RHPN2: variants seen among roughly 807,000 people sequenced by gnomAD.
The protein encoded by RHPN2 is rhophilin Rho GTPase binding protein 2.
A neutral mutation model predicts 79.0 loss-of-function variants in RHPN2; 40 were observed. That is an observed-to-expected ratio of 0.51 (90% confidence interval 0.39 to 0.66). RHPN2 has a LOEUF of 0.66. Among genes scored for constraint, RHPN2 ranks in the 30% least tolerant of loss-of-function variants. The pLI, the probability that RHPN2 is intolerant of heterozygous loss-of-function variation, is 0.00. For missense variants in RHPN2, 686 were observed against 883.5 expected (o/e 0.78, Z 2.83); for synonymous variants, 285 against 363.5 (o/e 0.78, Z 2.46).
chr19:33,026,081 T>C (rs1170256875), intron 3 of RHPN2, among the ~76,000 whole-genome samples: 1 of 136,430 alleles, frequency 7.3e-6, no homozygotes, highest in Non-Finnish European at 1.6e-5. Context: ...AACGTCCAAC[T>C]CCCGGGTTCA....
chr19:33,048,736 A>AAAAAAAAAAC (rs1972163322), intron 1 of RHPN2, among the ~76,000 whole-genome samples: 1 of 151,180 alleles, frequency 6.6e-6, no homozygotes, highest in Non-Finnish European at 1.5e-5. Context: ...AAAAAAAAAA[A>AAAAAAAAAAC]AAAAAAAAAC....
chr19:32,985,614 C>A (rs1421208998), intron 14 of RHPN2, among the ~76,000 whole-genome samples: 1 of 152,172 alleles, frequency 6.6e-6, no homozygotes, highest in African/African-American at 2.4e-5. Flanking sequence ...GAGAGCGAGA[C>A]CCTGTCTCAA....
intron 1 of RHPN2, among the ~76,000 whole-genome samples, chr19:33,050,272 A>C (rs535399926): frequency 1.3e-5 from 2 of 152,120 alleles, no homozygotes; most frequent in Non-Finnish European, 2.9e-5. Context: ...TGAGCTGAGA[A>C]ACAGATTTGG....
intron 2 of RHPN2, 59 bp from the exon 3 acceptor site, chr19:33,026,691 A>G: frequency 6.3e-7 from 1 of 1,574,848 alleles, no homozygotes; most frequent in East Asian, 2.3e-5. Flanking sequence ...CTTCTAGGTG[A>G]GCAGACCCAA....
chr19:33,046,580 T>G (rs1181556321), intron 1 of RHPN2, among the ~76,000 whole-genome samples: 1 of 152,134 alleles, frequency 6.6e-6, no homozygotes, highest in Non-Finnish European at 1.5e-5. Flanking sequence ...ATCATATGAT[T>G]TATTCTATGT....
intron 4 of RHPN2, among the ~76,000 whole-genome samples, chr19:33,013,691 C>T (rs1971855524): frequency 6.6e-6 from 1 of 152,118 alleles, no homozygotes; most frequent in South Asian, 2.1e-4. Context: ...ATACTGCAAA[C>T]ACTGCAGCTA....
chr19:33,038,052 A>T (rs955875472), intron 2 of RHPN2, among the ~76,000 whole-genome samples: 16 of 152,092 alleles, frequency 1.1e-4, no homozygotes, highest in African/African-American at 1.4e-4. Flanking sequence ...AAAAATTTTT[A>T]AAATTAGCCG....
At chr19:33,059,009 C>T (rs1256783560) in intron 1 of RHPN2, among the ~76,000 whole-genome samples, 1 of 151,950 alleles carries the variant, frequency 6.6e-6, no homozygotes, top group Non-Finnish European at 1.5e-5. Flanking sequence ...GCATGAGAAT[C>T]GCTTGAACCC....
chr19:33,034,026 T>TTTTAG (rs1972034048), intron 2 of RHPN2, among the ~76,000 whole-genome samples: 1 of 138,160 alleles, frequency 7.2e-6, no homozygotes, highest in East Asian at 2.0e-4. Context: ...TGGCAAAACA[T>TTTTAG]TTTTTTTTTT....
chr19:32,999,496 C>T (rs1971731071), intron 10 of RHPN2, 90 bp downstream of exon 10: 17 of 1,519,958 alleles, frequency 1.1e-5, no homozygotes, highest in Non-Finnish European at 1.5e-5. Flanking sequence ...CTCTCCCGGG[C>T]CCTCTTCAGG....
intron 14 of RHPN2, among the ~76,000 whole-genome samples, chr19:32,985,281 T>C (rs1330733546): frequency 1.3e-5 from 2 of 151,122 alleles, no homozygotes; most frequent in African/African-American, 4.9e-5. Context: ...ACTATTGCAC[T>C]CCAGCCTGGG....
intron 2 of RHPN2, among the ~76,000 whole-genome samples, chr19:33,037,900 A>G (rs1169546538): frequency 6.6e-6 from 1 of 151,976 alleles, no homozygotes; most frequent in Non-Finnish European, 1.5e-5. Context: ...ACAGAGTGAG[A>G]CCTCCTCTCA....
intron 1 of RHPN2, among the ~76,000 whole-genome samples, chr19:33,064,226 C>T (rs1271149969): frequency 6.6e-6 from 1 of 151,958 alleles, no homozygotes; most frequent in Non-Finnish European, 1.5e-5. Context: ...CCCAGTTACT[C>T]GGGAGGCTGG....
intron 14 of RHPN2, among the ~76,000 whole-genome samples, chr19:32,981,587 T>C (rs528220416): frequency 6.6e-6 from 1 of 152,044 alleles, no homozygotes; most frequent in Non-Finnish European, 1.5e-5. Flanking sequence ...ATGTTATACT[T>C]CTAGAGATGA....
At chr19:32,995,429 A>T (rs540979679) in intron 11 of RHPN2, among the ~76,000 whole-genome samples, 1 of 152,194 alleles carries the variant, frequency 6.6e-6, no homozygotes, top group African/African-American at 2.4e-5. Flanking sequence ...AGGTTTGGCA[A>T]ATCATGACCA....
Position 33,021,506 on chromosome 19 carries a change from G to A in RHPN2, c.390+65C>T, listed in dbSNP as rs569554465. On this transcript the variant is annotated intron_variant, in intron 4 of 14. Transcript: ENST00000254260. ...CAAGTAACTGGGACTACAGGCATGCGCCACTGCAAATGGCCTATTTCCATT... is the reference window on the plus strand; with the variant it reads ...CAAGTAACTGGGACTACAGGCATGCACCACTGCAAATGGCCTATTTCCATT... 984 of 1,313,870 alleles carry A rather than the reference G, an allele frequency of 7.5e-4. 2 individuals are homozygous for A. The highest frequency in any genetic ancestry group is 8.7e-4 in the Non-Finnish European group (789 of 908,510). 81.4% of individuals were successfully genotyped at this position (1,313,870 alleles called of 1,614,324 possible).
At chr19:33,004,834 G>C (rs566116265) in intron 7 of RHPN2, among the ~76,000 whole-genome samples, 83 of 151,834 alleles carry the variant, frequency 5.5e-4, no homozygotes, top group African/African-American at 2.0e-3. Context: ...TGATCTGCCT[G>C]CCTCGGCCAC....
intron 2 of RHPN2, among the ~76,000 whole-genome samples, chr19:33,032,838 T>C (rs1972024039): frequency 6.6e-6 from 1 of 152,188 alleles, no homozygotes; most frequent in South Asian, 2.1e-4. Flanking sequence ...GTTCCAAATA[T>C]ATTCCCTTCC....
intron 4 of RHPN2, among the ~76,000 whole-genome samples, chr19:33,018,067 T>A (rs779696365): frequency 6.6e-6 from 1 of 151,818 alleles, no homozygotes; most frequent in Non-Finnish European, 1.5e-5. Context: ...GGCAGAGAAT[T>A]GCTTGAACCC....
Sources: allele counts gnomAD v4.1 joint callset (sites outside exome capture counted in the v4.1 genomes callset), GRCh38; gene constraint gnomAD v4.1.1; transcripts MANE v1.5; gene names NCBI Gene and HGNC (gene_info 2026-07-23, HGNC 2026-07-21).